The following MACROD1 variants were observed in gnomAD, a reference collection of about 807,000 sequenced individuals.
MACROD1 encodes the protein ADP-ribose glycohydrolase MACROD1.
Under a neutral mutation model 41.4 loss-of-function variants are expected in MACROD1, and 31 were observed. The observed-to-expected ratio is 0.75, with a 90% CI of 0.56 to 1.01. The LOEUF (loss-of-function observed/expected upper bound fraction) is 1.01. MACROD1 is among the 50% of genes least tolerant of loss of function. The pLI, the probability that MACROD1 is intolerant of heterozygous loss-of-function variation, is 0.00. For missense variants in MACROD1, 473 were observed against 460.0 expected (o/e 1.03, Z -0.26); for synonymous variants, 252 against 203.4 (o/e 1.24, Z -2.03).
At chr11:64,078,850 C>T (rs940022490) in intron 3 of MACROD1, among the ~76,000 whole-genome samples, 1 of 152,112 alleles carries the variant, frequency 6.6e-6, no homozygotes, top group Non-Finnish European at 1.5e-5. Flanking sequence ...ACATAGCTGG[C>T]CGTGGAGACT....
chr11:64,020,794 C>G (rs2134349054), intron 3 of MACROD1, among the ~76,000 whole-genome samples: 1 of 152,276 alleles, frequency 6.6e-6, no homozygotes, highest in Middle Eastern at 3.4e-3. Flanking sequence ...TCTCGGTTCA[C>G]TGCAACCACT....
intron 3 of MACROD1, among the ~76,000 whole-genome samples, chr11:64,028,226 C>T (rs1330869923): frequency 6.6e-6 from 1 of 152,242 alleles, no homozygotes; most frequent in Non-Finnish European, 1.5e-5. Flanking sequence ...TCCCTGCTGT[C>T]CCCAGCGCCA....
chr11:64,117,131 C>T, intron 3 of MACROD1: 1 of 1,612,610 alleles, frequency 6.2e-7, no homozygotes, highest in Non-Finnish European at 8.5e-7. Context: ...TCCCCTACAA[C>T]ACGCTGGCCA....
At position 64,017,606 on chromosome 11, in the gene MACROD1, C is replaced by T. The variant is rs374126815; in HGVS notation, c.518-2325G>A. On this transcript the variant is annotated intron_variant, in intron 3 of 10. Transcript: ENST00000255681. ...CCCCGCAAGCCCCAGATGCAGCCTCCACCCACTCCCCACCCCAGCAGGTCC... is the reference window on the plus strand; with the variant it reads ...CCCCGCAAGCCCCAGATGCAGCCTCTACCCACTCCCCACCCCAGCAGGTCC... 2.6e-5 allele frequency among the ~76,000 whole-genome samples: 4 copies of T among 152,278 alleles called. No homozygotes were observed. The East Asian group carries it at 5.8e-4, about 22-fold the overall frequency.
At chr11:64,125,962 C>T (rs1446328253) in intron 3 of MACROD1, among the ~76,000 whole-genome samples, 4 of 152,214 alleles carry the variant, frequency 2.6e-5, no homozygotes, top group Admixed American at 2.0e-4. Flanking sequence ...AAAGCCATGG[C>T]GGATGCGGGG....
chr11:64,024,008 C>T (rs900273666), intron 3 of MACROD1, among the ~76,000 whole-genome samples: 2 of 152,110 alleles, frequency 1.3e-5, no homozygotes, highest in Non-Finnish European at 2.9e-5. Context: ...TCACCCCAAG[C>T]TGTCCCCTAA....
rs1001553692 is a variant in MACROD1, at chr11:64,120,272, G to A, written c.517+30967C>T. On this transcript the variant is annotated intron_variant, in intron 3 of 10. Transcript: ENST00000255681. This position sits in a 1 kb window ranked among gnomAD's most constrained non-coding sequence, Gnocchi z 4.5. ...CTCCCCAGCCCTGGGGAACAGCCGA[G>A]CAGCGTGGTCACGTTTCACTCGAAA... Among the ~76,000 whole-genome samples, 2 of 152,220 alleles carry A rather than the reference G, an allele frequency of 1.3e-5. No individual in the cohort carries two copies. The highest frequency in any genetic ancestry group is 4.8e-5 in the African/African-American group (2 of 41,452).
chr11:64,162,533 G>C (rs1945770899), intron 1 of MACROD1, among the ~76,000 whole-genome samples: 1 of 151,896 alleles, frequency 6.6e-6, no homozygotes. Context: ...TAAAAATTTT[G>C]GCCGGCCACA....
chr11:64,023,372 C>T (rs1293434684), intron 3 of MACROD1, among the ~76,000 whole-genome samples: 1 of 152,092 alleles, frequency 6.6e-6, no homozygotes, highest in Non-Finnish European at 1.5e-5. Context: ...TCAGTTTCCT[C>T]ATCTGTAGGG....
At chr11:64,078,775 G>A (rs190750063) in intron 3 of MACROD1, among the ~76,000 whole-genome samples, 9 of 152,108 alleles carry the variant, frequency 5.9e-5, no homozygotes, top group Non-Finnish European at 1.3e-4. Context: ...CCCAAAAGAC[G>A]GGTGACTGCA....
At chr11:64,033,431 G>A (rs1489923193) in intron 3 of MACROD1, among the ~76,000 whole-genome samples, 2 of 152,198 alleles carry the variant, frequency 1.3e-5, no homozygotes, top group Admixed American at 1.3e-4. Context: ...AGGTTGCCCA[G>A]GCTGGAGTGT....
At position 64,019,591 on chromosome 11, in the gene MACROD1, C is replaced by T. The variant is rs117111898; in HGVS notation, c.518-4310G>A. On this transcript the variant is annotated intron_variant, in intron 3 of 10. Transcript: ENST00000255681. The stretch of plus-strand genomic sequence containing the variant: ...CAGGAGGCCCGAGGCACAGGTGGCA[C>T]CCGGCCCCTCCTCCATGCTCCACAC... 7.6e-3 allele frequency among the ~76,000 whole-genome samples: 1,154 copies of T among 152,296 alleles called. 20 individuals carry two copies. The highest frequency in any genetic ancestry group is 0.059 in the East Asian group (304 of 5,186).
chr11:64,042,606 G>A (rs1943509316), intron 3 of MACROD1, among the ~76,000 whole-genome samples: 1 of 152,086 alleles, frequency 6.6e-6, no homozygotes, highest in Non-Finnish European at 1.5e-5. Context: ...AGGCCTGTGG[G>A]GGTCTTGGAA....
At chr11:64,108,669 T>C (rs1426836456) in intron 3 of MACROD1, among the ~76,000 whole-genome samples, 1 of 152,226 alleles carries the variant, frequency 6.6e-6, no homozygotes, top group Non-Finnish European at 1.5e-5. Flanking sequence ...CCTTTCCCGC[T>C]CTGGGGCTGA....
In MACROD1 at chr11:64,158,758, G is replaced by A. The variant is rs74555140; in HGVS notation, c.299-6365C>T. On this transcript the variant is annotated intron_variant, in intron 1 of 10. Coordinates refer to ENST00000255681, the MANE Select transcript of MACROD1 (RefSeq NM_014067.4). ...CAGGCCCCTCCTGTGATGATACAGC[G>A]CCAGATACCGACAAGGGCCCAACCT... 5.5e-4 allele frequency among the ~76,000 whole-genome samples: 83 copies of A among 152,282 alleles called. No homozygotes were observed. The East Asian group carries it at 8.9e-3, about 16-fold the overall frequency.
intron 3 of MACROD1, among the ~76,000 whole-genome samples, chr11:64,147,367 C>G (rs1263321885): frequency 6.7e-6 from 1 of 149,784 alleles, no homozygotes; most frequent in Non-Finnish European, 1.5e-5. Context: ...CCACCGCCTG[C>G]AGCCTCAGAG....
chr11:64,091,615 T>G (rs556760097), intron 3 of MACROD1, among the ~76,000 whole-genome samples: 38 of 152,226 alleles, frequency 2.5e-4, no homozygotes, highest in African/African-American at 8.9e-4. Context: ...CCTAGGACGT[T>G]GCCGCCACCA....
At chr11:64,024,868 C>T (rs540077367) in intron 3 of MACROD1, among the ~76,000 whole-genome samples, 11 of 152,308 alleles carry the variant, frequency 7.2e-5, no homozygotes, top group African/African-American at 2.4e-4. Context: ...GGAAAAGTCA[C>T]GGGTTCCTCT....
intron 3 of MACROD1, among the ~76,000 whole-genome samples, chr11:64,136,471 T>C (rs1413334099): frequency 6.6e-6 from 1 of 152,170 alleles, no homozygotes; most frequent in Non-Finnish European, 1.5e-5. Context: ...GTGGGATGCG[T>C]TGGCAGCTGC....
Sources: gnomAD v4.1 joint callset for allele counts (sites outside exome capture counted in the v4.1 genomes callset) on GRCh38, gnomAD v4.1.1 for gene constraint, Gnocchi (gnomAD v3.1) non-coding constraint, MANE v1.5 for transcripts, NCBI Gene and HGNC (gene_info 2026-07-23, HGNC 2026-07-21) for gene names.